NFIB: variants seen among roughly 807,000 people sequenced by gnomAD.
NFIB encodes the protein nuclear factor 1 B-type.
Under a neutral mutation model 61.5 loss-of-function variants are expected in NFIB, and 11 were observed. The observed-to-expected ratio is 0.18, with a 90% confidence interval of 0.11 to 0.30. NFIB has a LOEUF of 0.30. Among genes scored for constraint, NFIB ranks in the 10% least tolerant of loss-of-function variants. The pLI is 1.00. For synonymous variants in NFIB, 260 were observed against 216.5 expected (o/e 1.20, Z -1.76); for missense variants, 471 against 608.9 (o/e 0.77, Z 2.38).
At chr9:14,279,730 T>G (rs897798891) in intron 2 of NFIB, among the ~76,000 whole-genome samples, 2 of 152,184 alleles carry the variant, frequency 1.3e-5, no homozygotes, top group Admixed American at 6.5e-5. Flanking sequence ...CTCTGGTTCC[T>G]TATCTTATTA....
chr9:14,372,016 C>T (rs1033621998), intron 1 of NFIB, among the ~76,000 whole-genome samples: 5 of 152,114 alleles, frequency 3.3e-5, no homozygotes, highest in African/African-American at 9.7e-5. Context: ...GGATGAGCCT[C>T]ACTCGGTGAG....
At chr9:14,197,308 A>T (rs547244156) in intron 2 of NFIB, among the ~76,000 whole-genome samples, 1 of 152,308 alleles carries the variant, frequency 6.6e-6, no homozygotes, top group East Asian at 1.9e-4. Flanking sequence ...AGCTATAATA[A>T]AACTTTATTC....
the NFIB span, among the ~76,000 whole-genome samples, chr9:14,482,279 C>A: frequency 3.9e-5 from 6 of 152,104 alleles, no homozygotes; most frequent in Non-Finnish European, 8.8e-5. Context: ...AGATACAGTG[C>A]CCTGACCAAG....
intron 2 of NFIB, among the ~76,000 whole-genome samples, chr9:14,216,534 CTCTCTCTCCCTCTGTGTGTGTGTGTG>C (rs1408221799): frequency 0.023 from 808 of 34,452 alleles, 13 homozygotes; most frequent in African/African-American, 0.066. Context: ...CTCTCTCTCT[CTCTCTCTCCCTCTGTGTGTGTGTGTG>C]TGTGTGTGTG....
In NFIB at chr9:14,216,542, CCCTCTGTGTG is replaced by C. The variant is rs1360505600; in HGVS notation, c.563-36772_563-36763del. On this transcript the variant is annotated intron_variant, in intron 2 of 10. Coordinates refer to ENST00000380953, the MANE Select transcript of NFIB (RefSeq NM_001190737.2). ...TCTCTCTCTCTCTCTCTCTCTCTCT[CCCTCTGTGTG>C]TGTGTGTGTGTGTGTGTGTGTGTGT... Among the ~76,000 whole-genome samples the C allele has an allele frequency of 6.4e-4, 19 of 29,460 alleles. 1 individual carries two copies. Among genetic ancestry groups the C allele is most frequent in the African/African-American group, 3.1e-3 (15 of 4,864 alleles). The allele number at this position is 29,460 out of a possible 152,430, so 19.3% of individuals were successfully genotyped here. A position where few individuals can be genotyped will look rare whatever the true frequency, so the allele number is the denominator to read the frequency against.
the NFIB span, among the ~76,000 whole-genome samples, chr9:14,522,176 C>A: frequency 2.0e-5 from 3 of 152,138 alleles, no homozygotes; most frequent in East Asian, 5.8e-4. Context: ...AAATCACTTG[C>A]GATGAAGTCA....
chr9:14,347,082 C>T (rs2061033686), intron 1 of NFIB, among the ~76,000 whole-genome samples: 1 of 151,458 alleles, frequency 6.6e-6, no homozygotes, highest in African/African-American at 2.4e-5. Context: ...GCGAAGGGTG[C>T]GTCTCCTGAG....
intron 6 of NFIB, among the ~76,000 whole-genome samples, chr9:14,145,216 T>C (rs1023327711): frequency 6.6e-5 from 10 of 152,088 alleles, no homozygotes; most frequent in Non-Finnish European, 1.0e-4. Context: ...TTTCCCTCCA[T>C]GTGCACTGTG....
At chr9:14,492,390 A>ATAAT in the NFIB span, among the ~76,000 whole-genome samples, 13 of 151,434 alleles carry the variant, frequency 8.6e-5, no homozygotes, top group East Asian at 1.2e-3. Flanking sequence ...AAATAAATAA[A>ATAAT]TATTTAAAAA....
At chr9:14,247,350 T>C (rs922116065) in intron 2 of NFIB, among the ~76,000 whole-genome samples, 3 of 152,224 alleles carry the variant, frequency 2.0e-5, no homozygotes, top group Admixed American at 6.5e-5. Flanking sequence ...ATCCAGCTAA[T>C]GGTTGGAGGC....
At chr9:14,391,392 GTGGTTC>G (rs2061620302) in intron 1 of NFIB, among the ~76,000 whole-genome samples, 1 of 149,948 alleles carries the variant, frequency 6.7e-6, no homozygotes, top group Admixed American at 6.8e-5. Flanking sequence ...TGATGATCAG[GTGGTTC>G]TTAAACTGTC....
chr9:14,191,635 T>A (rs1340372161), intron 2 of NFIB, among the ~76,000 whole-genome samples: 3 of 151,902 alleles, frequency 2.0e-5, no homozygotes, highest in Non-Finnish European at 4.4e-5. Context: ...ATCCAAAGAG[T>A]ATGAAAAAAT....
rs539286982 is a variant in NFIB, at chr9:14,265,082, C to T, written c.562+41907G>A. The stretch of plus-strand genomic sequence containing the variant: ...AACAAACCCAAAGACCTACTGGACC[C>T]GAATTTATTGATCTGGGAAAGGTAT... On this transcript the variant is annotated intron_variant, in intron 2 of 10. Coordinates refer to ENST00000380953, the MANE Select transcript of NFIB (RefSeq NM_001190737.2). 8.5e-5 allele frequency among the ~76,000 whole-genome samples: 13 copies of T among 152,216 alleles called. No homozygotes were observed. The East Asian group carries it at 1.7e-3, about 20-fold the overall frequency.
chr9:14,155,740 CTCTT>C (rs1253640697), intron 4 of NFIB, 81 bp downstream of exon 4: 8 of 764,092 alleles, frequency 1.0e-5, no homozygotes, highest in African/African-American at 3.7e-5. Flanking sequence ...TATGTGGTCA[CTCTT>C]TATACTACAT....
chr9:14,462,405 C>G, the NFIB span, among the ~76,000 whole-genome samples: 1 of 151,956 alleles, frequency 6.6e-6, no homozygotes, highest in Non-Finnish European at 1.5e-5. Context: ...GCCTCAGCCT[C>G]CCCAGCAGCA....
At chr9:14,405,115 A>T in the NFIB span, among the ~76,000 whole-genome samples, 1 of 152,194 alleles carries the variant, frequency 6.6e-6, no homozygotes. Context: ...TGATCCATAA[A>T]GTCCTCCCAC....
At chr9:14,094,914 G>A (rs1158851635) in intron 10 of NFIB, among the ~76,000 whole-genome samples, 3 of 151,970 alleles carry the variant, frequency 2.0e-5, no homozygotes, top group African/African-American at 7.2e-5. Context: ...AGGGCACAGT[G>A]GATTGAATGT....
chr9:14,114,643 C>T (rs1241931970), intron 9 of NFIB, among the ~76,000 whole-genome samples: 1 of 152,102 alleles, frequency 6.6e-6, no homozygotes, highest in African/African-American at 2.4e-5. Context: ...TTTTGAACAA[C>T]CTGTATGTAA....
At chr9:14,134,211 G>A (rs1205513165) in intron 6 of NFIB, among the ~76,000 whole-genome samples, 1 of 152,152 alleles carries the variant, frequency 6.6e-6, no homozygotes, top group African/African-American at 2.4e-5. Flanking sequence ...AATTATTACG[G>A]CTTATAACAA....
Sources: gnomAD v4.1 joint callset for allele counts (sites outside exome capture counted in the v4.1 genomes callset) on GRCh38, gnomAD v4.1.1 for gene constraint, MANE v1.5 for transcripts, NCBI Gene and HGNC (gene_info 2026-07-23, HGNC 2026-07-21) for gene names.